Variants in NLGN1 observed in about 807,000 individuals in gnomAD.
NLGN1 encodes neuroligin-1.
In NLGN1, 12 loss-of-function variants were observed where a neutral mutation model predicts 65.5. The observed-to-expected ratio is 0.18, with a 90% CI of 0.12 to 0.30. The LOEUF (loss-of-function observed/expected upper bound fraction) is 0.30. NLGN1 is among the 10% of genes least tolerant of loss of function. The pLI is 1.00. For synonymous variants in NLGN1, 350 were observed against 359.5 expected, an observed-to-expected ratio of 0.97 and a Z score of 0.30; for missense variants, 750 against 1,007.1, an observed-to-expected ratio of 0.74 and a Z score of 3.46.
At chr3:174,216,731 A>G (rs928887503) in intron 4 of NLGN1, among the ~76,000 whole-genome samples, 5 of 152,102 alleles carry the variant, frequency 3.3e-5, no homozygotes, top group African/African-American at 1.2e-4. Flanking sequence ...GTCAGGTTGT[A>G]ATGCTAGGTC....
At chr3:173,486,499 G>A (rs1180509084) in intron 2 of NLGN1, among the ~76,000 whole-genome samples, 1 of 152,182 alleles carries the variant, frequency 6.6e-6, no homozygotes, top group East Asian at 1.9e-4. Context: ...AGCAAACGCT[G>A]TGGAGAAAAG....
At chr3:173,692,509 A>G (rs1342471209) in intron 3 of NLGN1, among the ~76,000 whole-genome samples, 1 of 152,144 alleles carries the variant, frequency 6.6e-6, no homozygotes, top group Non-Finnish European at 1.5e-5. Flanking sequence ...AATGCAAAAT[A>G]TGACTTTTTC....
At chr3:173,649,158 A>T (rs568672921) in intron 3 of NLGN1, among the ~76,000 whole-genome samples, 5 of 152,198 alleles carry the variant, frequency 3.3e-5, no homozygotes, top group Non-Finnish European at 7.4e-5. Context: ...TATATACTGG[A>T]TAATTCCATT....
chr3:173,759,779 A>G (rs1777689741), intron 3 of NLGN1, among the ~76,000 whole-genome samples: 1 of 151,780 alleles, frequency 6.6e-6, no homozygotes, highest in Non-Finnish European at 1.5e-5. Flanking sequence ...CATTCTTATC[A>G]ATTTTTAAAT....
intron 4 of NLGN1, among the ~76,000 whole-genome samples, chr3:174,044,739 A>G (rs1389990512): frequency 1.3e-5 from 2 of 152,108 alleles, no homozygotes; most frequent in African/African-American, 2.4e-5. Context: ...TCCCCTTCCA[A>G]ATCTCATATT....
intron 4 of NLGN1, among the ~76,000 whole-genome samples, chr3:174,268,876 GATAA>G (rs1428445412): frequency 6.6e-6 from 1 of 151,428 alleles, no homozygotes; most frequent in Non-Finnish European, 1.5e-5. Context: ...AGAACAAATT[GATAA>G]ATAGATTCAC....
chr3:174,089,032 T>C (rs1452802608), intron 4 of NLGN1, among the ~76,000 whole-genome samples: 1 of 152,060 alleles, frequency 6.6e-6, no homozygotes, highest in East Asian at 1.9e-4. Flanking sequence ...ACTTCTGAGA[T>C]TAATAAACAC....
At chr3:173,482,889 A>C (rs1017586425) in intron 2 of NLGN1, among the ~76,000 whole-genome samples, 1 of 152,058 alleles carries the variant, frequency 6.6e-6, no homozygotes, top group Non-Finnish European at 1.5e-5. Context: ...CAGAATTAGA[A>C]GGGTAACTTA....
At chr3:174,141,971 T>C (rs1722366670) in intron 4 of NLGN1, among the ~76,000 whole-genome samples, 1 of 152,140 alleles carries the variant, frequency 6.6e-6, no homozygotes, top group South Asian at 2.1e-4. Flanking sequence ...CACGGCTTCT[T>C]AAAATCTAGT....
intron 4 of NLGN1, among the ~76,000 whole-genome samples, chr3:173,882,162 G>A (rs905914248): frequency 1.3e-5 from 2 of 152,110 alleles, no homozygotes; most frequent in Non-Finnish European, 2.9e-5. Flanking sequence ...TCTCAACAAT[G>A]GCTTTTAAAT....
At chr3:173,884,756 C>A (rs1012434221) in intron 4 of NLGN1, among the ~76,000 whole-genome samples, 2 of 152,038 alleles carry the variant, frequency 1.3e-5, no homozygotes, top group Admixed American at 6.5e-5. Flanking sequence ...ATAAAAAAAA[C>A]GCAGACTGGA....
intron 4 of NLGN1, among the ~76,000 whole-genome samples, chr3:174,230,052 G>A (rs1740409307): frequency 1.3e-5 from 2 of 152,078 alleles, no homozygotes; most frequent in African/African-American, 2.4e-5. Flanking sequence ...ATTTTTAAAG[G>A]GAAATTTCCT....
chr3:173,607,900 T>C (rs1372582550), intron 3 of NLGN1, among the ~76,000 whole-genome samples: 1 of 151,668 alleles, frequency 6.6e-6, no homozygotes, highest in Non-Finnish European at 1.5e-5. Flanking sequence ...TTTATTCTTT[T>C]ATTATGTATG....
intron 3 of NLGN1, among the ~76,000 whole-genome samples, chr3:173,655,570 GA>G (rs552155158): frequency 1.6e-4 from 23 of 148,080 alleles, no homozygotes; most frequent in East Asian, 1.4e-3. Context: ...ATGATGTTTT[GA>G]AAAAAAAAAT....
At chr3:173,478,609 A>G (rs1726686904) in intron 2 of NLGN1, among the ~76,000 whole-genome samples, 1 of 152,190 alleles carries the variant, frequency 6.6e-6, no homozygotes. Flanking sequence ...GAAATAGGCC[A>G]AGTGAAACAA....
intron 4 of NLGN1, among the ~76,000 whole-genome samples, chr3:174,117,761 G>T (rs1167744052): frequency 6.6e-6 from 1 of 152,144 alleles, no homozygotes; most frequent in Non-Finnish European, 1.5e-5. Context: ...CAGCTGGAAA[G>T]CTCTGAAATC....
chr3:173,968,435 T>C (rs1026484397), intron 4 of NLGN1, among the ~76,000 whole-genome samples: 1 of 152,122 alleles, frequency 6.6e-6, no homozygotes, highest in Non-Finnish European at 1.5e-5. Flanking sequence ...TATCTATATC[T>C]ATCCCTCAAC....
intron 3 of NLGN1, among the ~76,000 whole-genome samples, chr3:173,680,501 T>G (rs1364725525): frequency 6.6e-6 from 1 of 152,122 alleles, no homozygotes; most frequent in Non-Finnish European, 1.5e-5. Context: ...CAGTCATCAG[T>G]TTTTAAAACA....
At chr3:173,578,153 A>G (rs1745815798) in intron 2 of NLGN1, among the ~76,000 whole-genome samples, 1 of 151,458 alleles carries the variant, frequency 6.6e-6, no homozygotes, top group Non-Finnish European at 1.5e-5. Flanking sequence ...GGAGAATGGC[A>G]TGAACCCGGG....
Sources: gnomAD v4.1 joint callset for allele counts (sites outside exome capture counted in the v4.1 genomes callset) on GRCh38, gnomAD v4.1.1 for gene constraint, MANE v1.5 for transcripts, NCBI Gene and HGNC (gene_info 2026-07-23, HGNC 2026-07-21) for gene names.